The following NALF1 variants were observed in gnomAD, a reference collection of about 807,000 sequenced individuals.
NALF1 encodes the protein family with sequence similarity 155 member A.
A neutral mutation model predicts 48.4 loss-of-function variants in NALF1; 3 were observed. The ratio of observed to expected loss-of-function variants is 0.06; its 90% confidence interval spans 0.03 to 0.16. The LOEUF (loss-of-function observed/expected upper bound fraction) is 0.16, where lower values mean the gene tolerates loss of function less well. Among genes scored for constraint, NALF1 ranks in the 10% least tolerant of loss-of-function variants. The pLI, the probability that NALF1 is intolerant of heterozygous loss-of-function variation, is 1.00. For missense variants in NALF1, 526 were observed against 571.5 expected, an observed-to-expected ratio of 0.92 and a Z score of 0.81; for synonymous variants, 262 against 245.7, an observed-to-expected ratio of 1.07 and a Z score of -0.62.
chr13:107,560,672 TGCACACTCAC>T (rs1474559269), intron 1 of NALF1, among the ~76,000 whole-genome samples: 1 of 152,124 alleles, frequency 6.6e-6, no homozygotes, highest in African/African-American at 2.4e-5. Context: ...CAAGCACACA[TGCACACTCAC>T]ACACACTCAC....
At chr13:107,244,573 T>G (rs1880541228) in intron 1 of NALF1, among the ~76,000 whole-genome samples, 1 of 152,312 alleles carries the variant, frequency 6.6e-6, no homozygotes. Flanking sequence ...CTTCTGTGAT[T>G]TGCTTTTTGT....
At chr13:107,742,744 G>T (rs760462177) in intron 1 of NALF1, among the ~76,000 whole-genome samples, 1 of 152,174 alleles carries the variant, frequency 6.6e-6, no homozygotes, top group Non-Finnish European at 1.5e-5. Flanking sequence ...TTTCTCACTA[G>T]AGTGTGGTAA....
intron 1 of NALF1, among the ~76,000 whole-genome samples, chr13:107,497,297 G>C (rs181792629): frequency 6.6e-6 from 1 of 152,156 alleles, no homozygotes; most frequent in African/African-American, 2.4e-5. Flanking sequence ...ACTGATATGA[G>C]TTTTACTGTT....
chr13:107,389,870 T>C (rs1469161718), intron 1 of NALF1, among the ~76,000 whole-genome samples: 1 of 152,194 alleles, frequency 6.6e-6, no homozygotes, highest in African/African-American at 2.4e-5. Context: ...GATGTGACAG[T>C]TACTGCAAAA....
At position 107,358,735 on chromosome 13, in the gene NALF1, C is replaced by T. The variant is rs778106215; in HGVS notation, c.916-147980G>A. 4.6e-4 allele frequency among the ~76,000 whole-genome samples: 70 copies of T among 152,218 alleles called. No homozygotes were observed. The Middle Eastern group carries it at 0.014, about 30-fold the overall frequency. On this transcript the variant is annotated intron_variant, in intron 1 of 2. Transcript: ENST00000375915. ...ATATTCTACAAGTGGATCTTATCAA[C>T]ATTCTCCATGTGACATCTTGAAATC... is the stretch of plus-strand genomic sequence containing the variant.
chr13:107,707,830 T>C (rs1244329935), intron 1 of NALF1, among the ~76,000 whole-genome samples: 2 of 152,202 alleles, frequency 1.3e-5, no homozygotes, highest in Non-Finnish European at 2.9e-5. Flanking sequence ...AATTAGCCAA[T>C]GTCTTTTGCT....
At chr13:107,222,549 T>C (rs1295866345) in intron 1 of NALF1, among the ~76,000 whole-genome samples, 1 of 152,242 alleles carries the variant, frequency 6.6e-6, no homozygotes, top group Non-Finnish European at 1.5e-5. Flanking sequence ...ATCTTGTGCA[T>C]GTCCTGTGTG....
intron 1 of NALF1, among the ~76,000 whole-genome samples, chr13:107,564,031 G>C (rs1217916845): frequency 6.6e-6 from 1 of 152,098 alleles, no homozygotes; most frequent in Non-Finnish European, 1.5e-5. Context: ...GTTCAGGAGA[G>C]CAGCATTTTC....
intron 1 of NALF1, among the ~76,000 whole-genome samples, chr13:107,632,224 C>T (rs1353758599): frequency 6.6e-6 from 1 of 152,134 alleles, no homozygotes; most frequent in Non-Finnish European, 1.5e-5. Context: ...TATCCATCTC[C>T]ATATCTGTCT....
In NALF1 at chr13:107,170,548, C is replaced by T; in HGVS notation, c.1326G>A (p.Leu442=). The T allele has an allele frequency of 3.1e-6, 5 of 1,613,140 alleles. No individual in the cohort carries two copies. Among genetic ancestry groups the T allele is most frequent in the Non-Finnish European group, 1.7e-6 (2 of 1,179,326 alleles). Residue 442 remains leucine, a synonymous_variant, in exon 3 of 3, where the codon CTG becomes CTA. Coordinates refer to ENST00000375915, the MANE Select transcript of NALF1 (RefSeq NM_001080396.3). ...CCAGCGTGTTGATGCCTCCAAAGCT[C>T]AGTCCGGCTGTGTTCTGTGCTGCCG... ...TASAAQNTAG[L]SFGGINTLEE...
intron 1 of NALF1, among the ~76,000 whole-genome samples, chr13:107,495,445 C>G (rs1333875638): frequency 6.6e-6 from 1 of 152,134 alleles, no homozygotes; most frequent in Non-Finnish European, 1.5e-5. Context: ...CAAATAGACT[C>G]TGCTAGTTTA....
chr13:107,682,493 T>C (rs1213176250), intron 1 of NALF1, among the ~76,000 whole-genome samples: 2 of 152,186 alleles, frequency 1.3e-5, no homozygotes, highest in Non-Finnish European at 2.9e-5. Context: ...CCTATCTGTC[T>C]GTGCCCCATC....
intron 1 of NALF1, among the ~76,000 whole-genome samples, chr13:107,739,705 G>C (rs932112904): frequency 6.6e-6 from 1 of 152,062 alleles, no homozygotes; most frequent in Non-Finnish European, 1.5e-5. Flanking sequence ...CATTAGGAAC[G>C]GGGCCACACA....
At position 107,609,257 on chromosome 13, in the gene NALF1, A is replaced by G. The variant is rs562669715; in HGVS notation, c.915+256425T>C. ...CTCTCCCACACCATTCATTCAGTTC[A>G]TGAAACAAATCTTCGCCGAGAGCAG... On this transcript the variant is annotated intron_variant, in intron 1 of 2. Coordinates refer to ENST00000375915, the MANE Select transcript of NALF1 (RefSeq NM_001080396.3). Among the ~76,000 whole-genome samples the G allele has an allele frequency of 5.3e-5, 8 of 152,304 alleles. No individual in the cohort carries two copies. In the East Asian group the frequency reaches 7.7e-4, roughly 15 times the overall value.
intron 1 of NALF1, among the ~76,000 whole-genome samples, chr13:107,687,347 C>A (rs1414223916): frequency 6.6e-6 from 1 of 151,960 alleles, no homozygotes; most frequent in African/African-American, 2.4e-5. Context: ...TGCAAATCTA[C>A]TTCTTGGATG....
chr13:107,694,321 T>C (rs1172465109), intron 1 of NALF1, among the ~76,000 whole-genome samples: 1 of 152,182 alleles, frequency 6.6e-6, no homozygotes, highest in Non-Finnish European at 1.5e-5. Flanking sequence ...TACATTTTTT[T>C]TTGCCTCTCT....
At chr13:107,620,767 C>A (rs1436954360) in intron 1 of NALF1, among the ~76,000 whole-genome samples, 2 of 152,184 alleles carry the variant, frequency 1.3e-5, no homozygotes, top group African/African-American at 4.8e-5. Context: ...CTTTGGTATT[C>A]CATTCCCACT....
intron 1 of NALF1, among the ~76,000 whole-genome samples, chr13:107,622,025 C>G (rs748419285): frequency 6.6e-6 from 1 of 151,664 alleles, no homozygotes; most frequent in Non-Finnish European, 1.5e-5. Context: ...CTGAGTCTCA[C>G]TCTGTCAAGC....
At chr13:107,800,399 G>A (rs916193999) in intron 1 of NALF1, among the ~76,000 whole-genome samples, 2 of 151,514 alleles carry the variant, frequency 1.3e-5, no homozygotes, top group Non-Finnish European at 2.9e-5. Context: ...TACACTCATG[G>A]AATTAAGTAA....
Sources: allele counts gnomAD v4.1 joint callset (sites outside exome capture counted in the v4.1 genomes callset), GRCh38; gene constraint gnomAD v4.1.1; transcripts MANE v1.5; gene names NCBI Gene and HGNC (gene_info 2026-07-23, HGNC 2026-07-21).